Variants in MARCHF4 observed in about 807,000 individuals in gnomAD.
MARCHF4 encodes membrane associated ring-CH-type finger 4, also known as E3 ubiquitin-protein ligase MARCHF4.
Under a neutral mutation model 43.9 loss-of-function variants are expected in MARCHF4, and 14 were observed. The ratio of observed to expected loss-of-function variants is 0.32; its 90% CI spans 0.21 to 0.50. MARCHF4 has a LOEUF of 0.50. Among genes scored for constraint, MARCHF4 ranks in the 20% least tolerant of loss-of-function variants. The pLI is 0.98. For missense variants in MARCHF4, 468 were observed against 536.7 expected (o/e 0.87, Z 1.27); for synonymous variants, 226 against 213.3 (o/e 1.06, Z -0.52).
intron 1 of MARCHF4, among the ~76,000 whole-genome samples, chr2:216,320,235 G>C (rs1049288025): frequency 2.6e-5 from 4 of 152,304 alleles, no homozygotes; most frequent in Non-Finnish European, 5.9e-5. Context: ...AAGAAAGAAG[G>C]ATGCCATGTA....
chr2:216,344,964 G>A (rs1692297446), intron 1 of MARCHF4, among the ~76,000 whole-genome samples: 1 of 151,792 alleles, frequency 6.6e-6, no homozygotes, highest in Non-Finnish European at 1.5e-5. Context: ...CAGGAGTGAA[G>A]AGGCAGTGAT....
intron 1 of MARCHF4, among the ~76,000 whole-genome samples, chr2:216,335,326 A>C (rs1275077742): frequency 6.6e-6 from 1 of 152,222 alleles, no homozygotes; most frequent in African/African-American, 2.4e-5. Context: ...GCCCCAAATG[A>C]CTAAAAATGG....
rs760875312 is a variant in MARCHF4 at position 216,370,209 on chromosome 2, C to A, written c.52G>T (p.Gly18Cys). The part of the protein sequence containing the change: ...LLWWWWCCCS[G>C]WYCYGLCAPA... ...GCACACAATCCATAGCAGTACCAGCCGGAGCAGCAGCACCACCACCACCAG... is the reference window on the plus strand; with the variant it reads ...GCACACAATCCATAGCAGTACCAGCAGGAGCAGCAGCACCACCACCACCAG... Residue 18 changes from glycine to cysteine, a missense_variant, in exon 1 of 4, where the codon GGC becomes TGC. Physicochemically the swap from Gly to Cys is radical, Grantham distance 159 (BLOSUM62 -3). Coordinates refer to ENST00000273067, the MANE Select transcript of MARCHF4 (RefSeq NM_020814.3). The A allele has an allele frequency of 5.6e-6, 9 of 1,611,544 alleles. No individual in the cohort carries two copies. In the African/African-American group the frequency reaches 8.0e-5, roughly 14 times the overall value.
intron 1 of MARCHF4, among the ~76,000 whole-genome samples, chr2:216,363,720 C>G (rs1692623943): frequency 6.6e-6 from 1 of 152,138 alleles, no homozygotes; most frequent in Non-Finnish European, 1.5e-5. Flanking sequence ...GGCTTGCTCT[C>G]CCATCATGGT....
chr2:216,288,082 C>A (rs576195457), intron 1 of MARCHF4, among the ~76,000 whole-genome samples: 5 of 152,328 alleles, frequency 3.3e-5, no homozygotes, highest in Admixed American at 2.6e-4. Context: ...CCCACCTCAG[C>A]CTCTTGAGTA....
At chr2:216,347,227 A>C (rs1277879446) in intron 1 of MARCHF4, among the ~76,000 whole-genome samples, 2 of 152,196 alleles carry the variant, frequency 1.3e-5, no homozygotes, top group African/African-American at 4.8e-5. Context: ...TGACCCTGTA[A>C]AACAAGTCAA....
At chr2:216,369,295 G>A (rs537134018) in intron 1 of MARCHF4, among the ~76,000 whole-genome samples, 3 of 152,288 alleles carry the variant, frequency 2.0e-5, no homozygotes, top group African/African-American at 7.2e-5. Context: ...TATGAGAAAA[G>A]GAAAAGAGAA....
At chr2:216,336,999 A>C (rs1326976740) in intron 1 of MARCHF4, among the ~76,000 whole-genome samples, 1 of 151,980 alleles carries the variant, frequency 6.6e-6, no homozygotes, top group Non-Finnish European at 1.5e-5. Context: ...TAAAAATACA[A>C]AAATTAGCCA....
intron 1 of MARCHF4, among the ~76,000 whole-genome samples, chr2:216,313,674 T>C (rs1306880277): frequency 6.6e-6 from 1 of 152,212 alleles, no homozygotes; most frequent in East Asian, 1.9e-4. Context: ...TCACAACTAT[T>C]AGACATGATC....
intron 1 of MARCHF4, among the ~76,000 whole-genome samples, chr2:216,350,948 T>C (rs889743960): frequency 2.6e-5 from 4 of 152,164 alleles, no homozygotes; most frequent in South Asian, 2.1e-4. Context: ...AGAAAGAGCA[T>C]TGAACTTGGA....
chr2:216,265,379 C>T (rs758645998), intron 3 of MARCHF4: 2 of 152,324 alleles, frequency 1.3e-5, no homozygotes, highest in Admixed American at 6.5e-5. Context: ...TTCCGGGGCT[C>T]CTCTTCCTCA....
chr2:216,313,664 T>C (rs773005326), intron 1 of MARCHF4, among the ~76,000 whole-genome samples: 7 of 152,204 alleles, frequency 4.6e-5, no homozygotes, highest in Non-Finnish European at 8.8e-5. Context: ...TCAACCTTGT[T>C]CACAACTATT....
At chr2:216,304,792 G>A (rs56867228) in intron 1 of MARCHF4, among the ~76,000 whole-genome samples, 8,437 of 151,852 alleles carry the variant, frequency 0.056, 562 homozygotes, top group African/African-American at 0.16. Flanking sequence ...CATCTCTACT[G>A]AAAATACAAA....
chr2:216,346,774 G>T (rs749875226), intron 1 of MARCHF4, among the ~76,000 whole-genome samples: 22 of 152,170 alleles, frequency 1.4e-4, no homozygotes, highest in Non-Finnish European at 3.2e-4. Flanking sequence ...AGAGGTGGGA[G>T]GTAAGGGTAG....
At chr2:216,314,945 G>A (rs985077220) in intron 1 of MARCHF4, among the ~76,000 whole-genome samples, 2 of 152,154 alleles carry the variant, frequency 1.3e-5, no homozygotes, top group Non-Finnish European at 2.9e-5. Flanking sequence ...TGGAACCACA[G>A]TAGTCAGACG....
In MARCHF4 at chr2:216,370,275, T is replaced by C. The variant is rs1234471327; in HGVS notation, c.-15A>G. On this transcript the variant is annotated 5_prime_UTR_variant, in exon 1 of 4. Transcript: ENST00000273067. Reference sequence around the variant, plus strand: ...GGCATCAGCATGTGCCCCGTGGAAGTAGAGAGCCCAAGAGGGGTGGCTGGA... The same window carrying C: ...GGCATCAGCATGTGCCCCGTGGAAGCAGAGAGCCCAAGAGGGGTGGCTGGA... 1 of 1,579,178 alleles carries C rather than the reference T, an allele frequency of 6.3e-7. No individual in the cohort carries two copies. The highest frequency in any genetic ancestry group is 1.4e-5 in the African/African-American group (1 of 72,410).
At chr2:216,290,522 T>A (rs115527286) in intron 1 of MARCHF4, among the ~76,000 whole-genome samples, 2 of 152,114 alleles carry the variant, frequency 1.3e-5, no homozygotes, top group Non-Finnish European at 2.9e-5. Context: ...CATTTGTGAG[T>A]GAGATGGGCA....
intron 1 of MARCHF4, among the ~76,000 whole-genome samples, chr2:216,314,275 C>T (rs1367223431): frequency 6.6e-6 from 1 of 151,280 alleles, no homozygotes; most frequent in Non-Finnish European, 1.5e-5. Flanking sequence ...ATAGAGTTTA[C>T]AATCTAATTA....
chr2:216,334,088 G>A (rs1372389076), intron 1 of MARCHF4, among the ~76,000 whole-genome samples: 2 of 152,126 alleles, frequency 1.3e-5, no homozygotes, highest in East Asian at 3.9e-4. Context: ...TGACAAAGGG[G>A]AACTGAGGTT....
Sources: gnomAD v4.1 joint callset for allele counts (sites outside exome capture counted in the v4.1 genomes callset) on GRCh38, gnomAD v4.1.1 for gene constraint, MANE v1.5 for transcripts, NCBI Gene and HGNC (gene_info 2026-07-23, HGNC 2026-07-21) for gene names.